The following ELSPBP1 variants were observed in gnomAD, a reference collection of about 807,000 sequenced individuals.
The protein encoded by ELSPBP1 is epididymal sperm-binding protein 1.
A neutral mutation model predicts 33.3 loss-of-function variants in ELSPBP1; 38 were observed. The ratio of observed to expected loss-of-function variants is 1.14; its 90% CI spans 0.88 to 1.50. The LOEUF is 1.50. Among genes scored for constraint, ELSPBP1 ranks in the 40% most tolerant of loss-of-function variants. ELSPBP1 has a pLI of 0.00. For missense variants in ELSPBP1, 267 were observed against 263.5 expected (o/e 1.01, Z -0.09); for synonymous variants, 85 against 94.1 (o/e 0.90, Z 0.56).
At chr19:48,016,465 CTTCTTTCTTTCTTTCTTTCTTTCTTTCT>C (rs1196910160) in intron 4 of ELSPBP1, among the ~76,000 whole-genome samples, 3 of 44,596 alleles carry the variant, frequency 6.7e-5, no homozygotes, top group Non-Finnish European at 1.1e-4. Flanking sequence ...CTTTTCTTTC[CTTCTTTCTTTCTTTCTTTCTTTCTTTCT>C]TTCTTTCTTT....
chr19:47,999,763 C>T (rs1966948764), intron 1 of ELSPBP1, among the ~76,000 whole-genome samples: 1 of 151,990 alleles, frequency 6.6e-6, no homozygotes, highest in South Asian at 2.1e-4. Flanking sequence ...TTCACCTGTC[C>T]AGTCTACCGA....
intron 4 of ELSPBP1, among the ~76,000 whole-genome samples, chr19:48,018,803 A>T (rs200658203): frequency 6.6e-6 from 1 of 152,210 alleles, no homozygotes; most frequent in Non-Finnish European, 1.5e-5. Context: ...AATTAAAAAA[A>T]AAAGCCTGCT....
chr19:48,005,724 C>T (rs1600103232), intron 1 of ELSPBP1, among the ~76,000 whole-genome samples: 1 of 152,236 alleles, frequency 6.6e-6, no homozygotes, highest in Admixed American at 6.5e-5. Flanking sequence ...AGCCTAGAGG[C>T]AGCATCGTAC....
chr19:47,996,582 G>A (rs1314509970), intron 1 of ELSPBP1, among the ~76,000 whole-genome samples: 2 of 151,904 alleles, frequency 1.3e-5, no homozygotes, highest in African/African-American at 4.8e-5. Flanking sequence ...GATGGAAGAA[G>A]ATAGATGAAA....
chr19:48,006,554 C>A (rs901685288), intron 1 of ELSPBP1, among the ~76,000 whole-genome samples: 1 of 141,454 alleles, frequency 7.1e-6, no homozygotes, highest in Non-Finnish European at 1.5e-5. Context: ...ATGGAGGTTG[C>A]CGTGAGCTGA....
chr19:48,016,903 C>A (rs1967148663), intron 4 of ELSPBP1, among the ~76,000 whole-genome samples: 1 of 152,020 alleles, frequency 6.6e-6, no homozygotes, highest in African/African-American at 2.4e-5. Flanking sequence ...CTGGCCCTGA[C>A]CTGCATTTCA....
chr19:48,014,513 G>A (rs564332976), intron 3 of ELSPBP1, among the ~76,000 whole-genome samples: 14 of 125,252 alleles, frequency 1.1e-4, no homozygotes, highest in Non-Finnish European at 2.0e-4. Context: ...ATCACACACC[G>A]GGGACTGTTG....
chr19:48,005,864 G>A (rs1395634629), intron 1 of ELSPBP1, among the ~76,000 whole-genome samples: 1 of 152,128 alleles, frequency 6.6e-6, no homozygotes, highest in Non-Finnish European at 1.5e-5. Context: ...GTGCATATCT[G>A]GGGTAGTAAT....
rs78988142 is a variant in ELSPBP1, at chr19:47,995,626, T to G, written c.-18+815T>G. Among the ~76,000 whole-genome samples the G allele has an allele frequency of 4.8e-3, 731 of 152,280 alleles. 7 individuals are homozygous for G. Among genetic ancestry groups the G allele is most frequent in the African/African-American group, 0.016 (685 of 41,554 alleles). On this transcript the variant is annotated intron_variant, in intron 1 of 6. Transcript: ENST00000339841. ...TGGAGGGAAGGCTTACACTGAAGTTTTGTTTCAGATCTGGGGTCATTTGCT... is the reference window on the plus strand; with the variant it reads ...TGGAGGGAAGGCTTACACTGAAGTTGTGTTTCAGATCTGGGGTCATTTGCT...
chr19:48,015,500 TA>T (rs970735296), intron 3 of ELSPBP1, among the ~76,000 whole-genome samples: 2 of 151,326 alleles, frequency 1.3e-5, no homozygotes, highest in Non-Finnish European at 2.9e-5. Flanking sequence ...TACTAAAAAT[TA>T]AAAAAAATTA....
intron 3 of ELSPBP1, 22 bp from the exon 4 acceptor site, chr19:48,015,867 ACACT>A (rs1331312071): frequency 6.3e-7 from 1 of 1,587,106 alleles, no homozygotes. Context: ...GGAAGTTAAG[ACACT>A]CACGAACTCT....
At chr19:48,009,395 C>T (rs984121759) in intron 2 of ELSPBP1, among the ~76,000 whole-genome samples, 1 of 152,120 alleles carries the variant, frequency 6.6e-6, no homozygotes, top group African/African-American at 2.4e-5. Flanking sequence ...AACCTTCAGA[C>T]CCCAACCTGG....
At chr19:48,009,833 G>A (rs1490164112) in intron 2 of ELSPBP1, among the ~76,000 whole-genome samples, 1 of 152,022 alleles carries the variant, frequency 6.6e-6, no homozygotes, top group Non-Finnish European at 1.5e-5. Context: ...GGTGCATCTG[G>A]TCAGGAAACA....
At chr19:47,999,144 A>G (rs1966941887) in intron 1 of ELSPBP1, among the ~76,000 whole-genome samples, 2 of 152,136 alleles carry the variant, frequency 1.3e-5, no homozygotes, top group Non-Finnish European at 1.5e-5. Context: ...CTGACCACCA[A>G]AGGAGACATC....
intron 4 of ELSPBP1, among the ~76,000 whole-genome samples, chr19:48,016,400 CCTTTCCTTT>C (rs1967132895): frequency 1.3e-5 from 2 of 151,882 alleles, no homozygotes; most frequent in Admixed American, 6.6e-5. Flanking sequence ...TTCCTTCCTT[CCTTTCCTTT>C]CTTTCCTTTC....
chr19:47,996,904 GTCA>G (rs1268699990), intron 1 of ELSPBP1, among the ~76,000 whole-genome samples: 2 of 152,100 alleles, frequency 1.3e-5, no homozygotes, highest in Non-Finnish European at 2.9e-5. Flanking sequence ...CATCATCATC[GTCA>G]TCATTAATGG....
intron 6 of ELSPBP1, among the ~76,000 whole-genome samples, chr19:48,024,074 G>A (rs1967245052): frequency 6.7e-6 from 1 of 150,264 alleles, no homozygotes; most frequent in Admixed American, 6.6e-5. Context: ...AGTAGAGACG[G>A]GGTTTCACCA....
intron 4 of ELSPBP1, among the ~76,000 whole-genome samples, chr19:48,016,498 TTCTTTCTTTCTTTC>T (rs1199215900): frequency 8.9e-5 from 10 of 112,494 alleles, no homozygotes; most frequent in African/African-American, 3.4e-4. Context: ...CTTTCTTTCT[TTCTTTCTTTCTTTC>T]TTTCTTTCTT....
intron 4 of ELSPBP1, 103 bp downstream of exon 4, chr19:48,016,142 G>A (rs1223506249): frequency 7.2e-7 from 1 of 1,387,700 alleles, no homozygotes; most frequent in Admixed American, 1.9e-5. Flanking sequence ...GAGCACCCAG[G>A]GGGAAGTACT....
Sources: gnomAD v4.1 joint callset for allele counts (sites outside exome capture counted in the v4.1 genomes callset) on GRCh38, gnomAD v4.1.1 for gene constraint, MANE v1.5 for transcripts, NCBI Gene and HGNC (gene_info 2026-07-23, HGNC 2026-07-21) for gene names.